Variants in NOL6 observed in about 807,000 individuals in gnomAD.
NOL6 encodes nucleolar RNA-associated protein.
Under a neutral mutation model 131.7 loss-of-function variants are expected in NOL6, and 33 were observed. The ratio of observed to expected loss-of-function variants is 0.25; its 90% confidence interval spans 0.19 to 0.33. The LOEUF (loss-of-function observed/expected upper bound fraction) is 0.33, where lower values mean the gene tolerates loss of function less well. Among genes scored for constraint, NOL6 ranks in the 10% least tolerant of loss-of-function variants. NOL6 has a pLI of 1.00. For missense variants in NOL6, 1,297 were observed against 1,494.5 expected (o/e 0.87, Z 2.18); for synonymous variants, 580 against 605.7 (o/e 0.96, Z 0.62).
intron 23 of NOL6, among the ~76,000 whole-genome samples, 180 bp from the exon 24 acceptor site, chr9:33,463,621 G>A (rs1268246016): frequency 5.3e-5 from 8 of 152,174 alleles, no homozygotes; most frequent in East Asian, 3.8e-4. Flanking sequence ...TGCATAGCCC[G>A]GCAGAAGGAG....
intron 22 of NOL6, 47 bp downstream of exon 22, chr9:33,463,990 T>C (rs1270555451): frequency 1.9e-6 from 3 of 1,612,732 alleles, no homozygotes; most frequent in Middle Eastern, 3.3e-4. Context: ...GCCTGCTTTT[T>C]CCTTGGGAAG....
chr9:33,472,484 G>T (rs1270688000), intron 1 of NOL6, 72 bp from the exon 2 acceptor site: 1 of 1,249,590 alleles, frequency 8.0e-7, no homozygotes, highest in Non-Finnish European at 1.1e-6. Flanking sequence ...GTGCCACCAT[G>T]ATAGGTTGTG....
chr9:33,471,863 G>A (rs147486751), intron 3 of NOL6, 141 bp downstream of exon 3: 150 of 704,516 alleles, frequency 2.1e-4, no homozygotes, highest in African/African-American at 1.5e-3. Flanking sequence ...AAATGACCAC[G>A]CTCCCAGCTA....
In NOL6 at chr9:33,463,424, G is replaced by A. The variant is rs759056783; in HGVS notation, c.3012C>T (p.Pro1004=). ...GAATCAGCACGTCGTAAATGTCCAAGGGCGGCCGGAACACTGTCTAAGGAA... is the reference window on the plus strand; with the variant it reads ...GAATCAGCACGTCGTAAATGTCCAAAGGCGGCCGGAACACTGTCTAAGGAA... The part of the protein sequence containing the change: ...PGDIRTVFRP[P]LDIYDVLIRL... The change falls in exon 24 of 26, where the codon CCC becomes CCT. Residue 1004 remains proline (P), a synonymous_variant. Transcript: ENST00000297990. 8.7e-6 allele frequency: 14 copies of A among 1,612,296 alleles called. No individual in the cohort carries two copies. Among genetic ancestry groups the A allele is most frequent in the Non-Finnish European group, 1.1e-5 (13 of 1,179,068 alleles).
In NOL6 at chr9:33,467,931, C is replaced by G. The variant is rs1383216305; in HGVS notation, c.1425-63G>C. 1 of 1,595,108 alleles carries G rather than the reference C, an allele frequency of 6.3e-7. No individual in the cohort carries two copies. ...TTGCTGGCCCCTAGTACCACCTCCT[C>G]CCTGAATGATCTGAGCACCTGTCTG... On this transcript the variant is annotated intron_variant, in intron 11 of 25. Transcript: ENST00000297990. This position sits in a 1 kb window ranked among gnomAD's most constrained non-coding sequence, Gnocchi z 4.4.
intron 4 of NOL6, 164 bp downstream of exon 4, chr9:33,469,848 T>C: frequency 9.9e-7 from 1 of 1,006,612 alleles, no homozygotes; most frequent in Non-Finnish European, 1.4e-6. Flanking sequence ...GGACAGCAAC[T>C]GGCCCGAGGG....
At position 33,463,016 on chromosome 9, in the gene NOL6, G is replaced by T; in HGVS notation, c.3291+17C>A. The T allele has an allele frequency of 1.2e-6, 2 of 1,608,368 alleles. No individual in the cohort carries two copies. The highest frequency in any genetic ancestry group is 1.7e-6 in the Non-Finnish European group (2 of 1,176,156). The stretch of plus-strand genomic sequence containing the variant: ...CGTGCACACACTCAGGAACACAGCT[G>T]TCACCAGCCAGCACACCTTGAAGGG... On this transcript the variant is annotated intron_variant, in intron 25 of 25. Coordinates refer to ENST00000297990, the MANE Select transcript of NOL6 (RefSeq NM_022917.5).
chr9:33,462,663 A>T lies in NOL6; in HGVS notation c.*1T>A. On this transcript the variant is annotated 3_prime_UTR_variant, in exon 26 of 26. Coordinates refer to ENST00000297990, the MANE Select transcript of NOL6 (RefSeq NM_022917.5). ...GTCTACAGCTTGCTCCAGAGCTGGGATCACACAGTCCACCTCTCACTTCGG... is the reference window on the plus strand; with the variant it reads ...GTCTACAGCTTGCTCCAGAGCTGGGTTCACACAGTCCACCTCTCACTTCGG... 1 of 1,613,998 alleles carries T rather than the reference A, an allele frequency of 6.2e-7. No homozygotes were observed. The highest frequency in any genetic ancestry group is 1.1e-5 in the South Asian group (1 of 91,056).
chr9:33,467,249 C>A lies in NOL6; in HGVS notation c.1739G>T (p.Arg580Leu). 1 of 1,614,026 alleles carries A rather than the reference C, an allele frequency of 6.2e-7. No individual in the cohort carries two copies. Among genetic ancestry groups the A allele is most frequent in the Non-Finnish European group, 8.5e-7 (1 of 1,179,972 alleles). ...EADQPEAAKF[R>L]QFWGSRSELR... The stretch of plus-strand genomic sequence containing the variant: ...CTCCGAGCGGGATCCCCAGAACTGG[C>A]GGAATTTAGCAGCCTGAGGAGGCAA... The change falls in exon 14 of 26, where the codon CGC becomes CTC. Residue 580 changes from arginine to leucine, a missense_variant. Coordinates refer to ENST00000297990, the MANE Select transcript of NOL6 (RefSeq NM_022917.5). This position sits in a 1 kb window ranked among gnomAD's most constrained non-coding sequence, Gnocchi z 4.4.
Position 33,465,822 on chromosome 9 carries a change from C to T in NOL6, c.2440G>A (p.Gly814Arg). The T allele has an allele frequency of 6.2e-7, 1 of 1,614,136 alleles. No individual in the cohort carries two copies. The highest frequency in any genetic ancestry group is 8.5e-7 in the Non-Finnish European group (1 of 1,180,010). Residue 814 changes from glycine to arginine, a missense_variant, in exon 19 of 26, where the codon GGG (glycine) becomes AGG (arginine). By Grantham distance (125) the Gly-to-Arg change is moderately radical. Transcript: ENST00000297990. ...QILKEVQSPE[G>R]MISLRDTAAS... ...GCTGTGTCCCTCAGCGAGATCATCC[C>T]CTCTGGGCTCTGCACCTCCTTCAGG...
intron 4 of NOL6, 55 bp downstream of exon 4, chr9:33,469,957 A>T: frequency 6.8e-7 from 1 of 1,470,934 alleles, no homozygotes; most frequent in Non-Finnish European, 9.1e-7. Context: ...AGAGGGATCC[A>T]GGATTTGTAG....
In NOL6 at chr9:33,462,794, C is replaced by T. The variant is rs116739206; in HGVS notation, c.3311G>A (p.Arg1104His). ...CTCCCCACCTCGAGACATCACCATG[C>T]GCCCCTTTGTGCTGGAGGCCTGGGG... Reference protein sequence around the residue: ...QPFKASSTKGRMVMSRGGELV... With the variant: ...QPFKASSTKGHMVMSRGGELV... Residue 1104 changes from arginine (R) to histidine (H), a missense_variant, in exon 26 of 26, where the codon CGC (arginine) becomes CAC (histidine). Coordinates refer to ENST00000297990, the MANE Select transcript of NOL6 (RefSeq NM_022917.5). 6.0e-4 allele frequency: 962 copies of T among 1,614,128 alleles called. 5 individuals carry two copies. The African/African-American group carries it at 9.8e-3, about 16-fold the overall frequency.
rs757441192 is a variant in NOL6 at position 33,465,310 on chromosome 9, G to A, written c.2578C>T (p.Arg860Trp). ...AFSGVARLAKRWVRAQLLGEG... is the reference protein window; with the variant it reads ...AFSGVARLAKWWVRAQLLGEG... The stretch of plus-strand genomic sequence containing the variant: ...CCAAGAAGCTGGGCACGCACCCACC[G>A]CTTGGCCAGCCGTGCCACACCAGAG... The change falls in exon 20 of 26, where the codon CGG (arginine) becomes TGG (tryptophan). Residue 860 changes from arginine to tryptophan, a missense_variant. Arg to Trp is a moderately radical substitution (Grantham distance 101, BLOSUM62 -3). Transcript: ENST00000297990. 3.1e-6 allele frequency: 5 copies of A among 1,590,726 alleles called. No homozygotes were observed. The highest frequency in any genetic ancestry group is 2.3e-5 in the East Asian group (1 of 43,782).
At position 33,466,081 on chromosome 9, in the gene NOL6, T is replaced by A. The variant is rs149652272; in HGVS notation, c.2354A>T (p.Asp785Val). Reference sequence around the variant, plus strand: ...CTGCACCAGCCTAACCTTAAGGACATCCGTGTGCGTGGCAGTGGCACGGCA... The same window carrying A: ...CTGCACCAGCCTAACCTTAAGGACAACCGTGTGCGTGGCAGTGGCACGGCA... ...LQCRATATHTDVLKDGFVFRI... is the reference protein window; with the variant it reads ...LQCRATATHTVVLKDGFVFRI... Residue 785 changes from aspartate to valine, a missense_variant, in exon 18 of 26, where the codon GAT (aspartate) becomes GTT (valine). Transcript: ENST00000297990. The A allele has an allele frequency of 7.4e-5, 118 of 1,588,854 alleles. No homozygotes were observed. The highest frequency in any genetic ancestry group is 9.7e-5 in the Non-Finnish European group (113 of 1,164,204).
Position 33,465,819 on chromosome 9 carries a change from T to C in NOL6, c.2443A>G (p.Met815Val). Residue 815 changes from methionine to valine, a missense_variant, in exon 19 of 26, where the codon ATG (methionine) becomes GTG (valine). Physicochemically the swap from Met to Val is conservative, Grantham distance 21. Coordinates refer to ENST00000297990, the MANE Select transcript of NOL6 (RefSeq NM_022917.5). ...ILKEVQSPEG[M>V]ISLRDTAASL... ...GCAGCTGTGTCCCTCAGCGAGATCA[T>C]CCCCTCTGGGCTCTGCACCTCCTTC... The C allele has an allele frequency of 6.2e-7, 1 of 1,614,024 alleles. No homozygotes were observed. The highest frequency in any genetic ancestry group is 8.5e-7 in the Non-Finnish European group (1 of 1,179,976).
Position 33,467,647 on chromosome 9 carries a change from C to G in NOL6, c.1602+44G>C. ...CTTTGTGTCTCTTGGGACCCTGGAT[C>G]CAGCCCAACTCAGACCCAAACTCCC... On this transcript the variant is annotated intron_variant, in intron 12 of 25. Transcript: ENST00000297990. This position sits in a 1 kb window ranked among gnomAD's most constrained non-coding sequence, Gnocchi z 4.4. The G allele has an allele frequency of 6.5e-7, 1 of 1,546,516 alleles. No homozygotes were observed. The highest frequency in any genetic ancestry group is 8.7e-7 in the Non-Finnish European group (1 of 1,145,408).
intron 11 of NOL6, 28 bp downstream of exon 11, chr9:33,468,002 C>A: frequency 6.2e-7 from 1 of 1,614,036 alleles, no homozygotes. Flanking sequence ...CAGGACCCGC[C>A]AACATACCCT....
intron 8 of NOL6, 40 bp from the exon 9 acceptor site, chr9:33,468,606 T>G (rs1468254962): frequency 6.2e-7 from 1 of 1,611,648 alleles, no homozygotes; most frequent in Non-Finnish European, 8.5e-7. Flanking sequence ...TATCCCCTTC[T>G]GGGGACCCAG....
intron 3 of NOL6, among the ~76,000 whole-genome samples, chr9:33,470,964 T>C (rs1214948502): frequency 2.0e-5 from 3 of 151,876 alleles, no homozygotes; most frequent in African/African-American, 7.2e-5. Context: ...AACTAAACTT[T>C]TTAAGGCTGG....
Sources: allele counts gnomAD v4.1 joint callset (sites outside exome capture counted in the v4.1 genomes callset), GRCh38; gene constraint gnomAD v4.1.1; non-coding constraint Gnocchi (gnomAD v3.1); transcripts MANE v1.5; gene names NCBI Gene and HGNC (gene_info 2026-07-23, HGNC 2026-07-21).